The following BRSK2 variants were observed in gnomAD, a reference collection of about 807,000 sequenced individuals.
BRSK2 encodes the protein serine/threonine-protein kinase BRSK2.
Under a neutral mutation model 83.3 loss-of-function variants are expected in BRSK2, and 19 were observed. The ratio of observed to expected loss-of-function variants is 0.23; its 90% CI spans 0.16 to 0.33. The LOEUF (loss-of-function observed/expected upper bound fraction) is 0.33, where lower values mean the gene tolerates loss of function less well. BRSK2 is among the 10% of genes least tolerant of loss of function. The probability of loss-of-function intolerance (pLI) is 1.00; values close to 1 mark genes in which losing one functional copy is unlikely to be tolerated. For synonymous variants in BRSK2, 519 were observed against 435.4 expected (o/e 1.19, Z -2.39); for missense variants, 798 against 1,042.3 (o/e 0.77, Z 3.23).
chr11:1,460,382 T>G, intron 19 of BRSK2, 118 bp from the exon 20 acceptor site: 7 of 921,634 alleles, frequency 7.6e-6, no homozygotes, highest in East Asian at 3.6e-5. Flanking sequence ...TCGAGGCCTC[T>G]TCGTTCATTT....
At chr11:1,449,699 T>TG (rs1845564298) in intron 12 of BRSK2, 77 bp from the exon 13 acceptor site, 7 of 1,331,724 alleles carry the variant, frequency 5.3e-6, no homozygotes, top group Non-Finnish European at 5.3e-6. Flanking sequence ...AGGGTTTACC[T>TG]GGGGGGAGCA....
chr11:1,442,320 C>T, intron 4 of BRSK2, 170 bp from the exon 5 acceptor site: 2 of 567,342 alleles, frequency 3.5e-6, no homozygotes, highest in Non-Finnish European at 3.3e-6. Context: ...ACGGACCAGG[C>T]AGGCGACTTC....
chr11:1,457,255 G>A (rs538049147), intron 18 of BRSK2, among the ~76,000 whole-genome samples: 2 of 152,270 alleles, frequency 1.3e-5, no homozygotes, highest in African/African-American at 4.8e-5. Context: ...GGGACTCCCC[G>A]CCATGGCACC....
At chr11:1,452,340 G>T (rs897865642) in intron 15 of BRSK2, among the ~76,000 whole-genome samples, 3 of 152,238 alleles carry the variant, frequency 2.0e-5, no homozygotes, top group Non-Finnish European at 4.4e-5. Context: ...GGTCGGAGGT[G>T]TGTAGGTATT....
At chr11:1,458,976 G>A (rs1464393061) in intron 18 of BRSK2, among the ~76,000 whole-genome samples, 5 of 152,080 alleles carry the variant, frequency 3.3e-5, no homozygotes, top group Non-Finnish European at 7.4e-5. Flanking sequence ...CCCTGCCTCC[G>A]CAGCCCCGCC....
intron 2 of BRSK2, 116 bp downstream of exon 2, chr11:1,436,250 G>GGGGGGGGGGGGGGGGGGGGC: frequency 4.7e-5 from 8 of 168,874 alleles, no homozygotes; most frequent in South Asian, 1.3e-4. Flanking sequence ...GGGGGGGCGG[G>GGGGGGGGGGGGGGGGGGGGC]CCCTGCAGGC....
At chr11:1,395,827 C>T (rs1023444531) in intron 1 of BRSK2, among the ~76,000 whole-genome samples, 1 of 152,194 alleles carries the variant, frequency 6.6e-6, no homozygotes, top group African/African-American at 2.4e-5. Flanking sequence ...CCAGCTGTGC[C>T]AGGGAGGGCT....
chr11:1,460,142 G>A (rs1847236459), intron 19 of BRSK2, among the ~76,000 whole-genome samples: 2 of 152,102 alleles, frequency 1.3e-5, no homozygotes, highest in Non-Finnish European at 2.9e-5. Flanking sequence ...TGGGGAGGGA[G>A]GGGTCTCACC....
Position 1,451,387 on chromosome 11 carries a change from G to C in BRSK2, c.1512G>C (p.Glu504Asp). Residue 504 changes from glutamate (E) to aspartate (D), a missense_variant, in exon 15 of 20, where the codon GAG becomes GAC. By Grantham distance (45) the Glu-to-Asp change is conservative. This residue lies in a region of BRSK2 where 455 missense variants were observed against 455.2 expected (regional missense o/e 1.00). Transcript: ENST00000528841. The stretch of plus-strand genomic sequence containing the variant: ...TGTGCACAGTTCCGACGCCGGAGGA[G>C]ATGTCCAACCTGACACCAGAGTCGT... ...RRKLQVPTPEEMSNLTPESSP... is the reference protein window; with the variant it reads ...RRKLQVPTPEDMSNLTPESSP... The C allele has an allele frequency of 6.2e-7, 1 of 1,612,990 alleles. No individual in the cohort carries two copies. The highest frequency in any genetic ancestry group is 1.7e-4 in the Middle Eastern group (1 of 6,058).
intron 1 of BRSK2, among the ~76,000 whole-genome samples, chr11:1,398,282 G>C (rs998823331): frequency 2.0e-5 from 3 of 152,330 alleles, no homozygotes; most frequent in East Asian, 3.9e-4. Flanking sequence ...CCCTGAATCA[G>C]CTGCAGGGCT....
rs773491329 is a variant in BRSK2 at position 1,450,833 on chromosome 11, G to A, written c.1495+39G>A. 4.5e-6 allele frequency: 7 copies of A among 1,539,262 alleles called. No individual in the cohort carries two copies. In the South Asian group the frequency reaches 6.1e-5, roughly 13 times the overall value. On this transcript the variant is annotated intron_variant, in intron 14 of 19. Coordinates refer to ENST00000528841, the MANE Select transcript of BRSK2 (RefSeq NM_001256627.2). ...CGGAGGCGCCAGAGTGGGGCTGGGA[G>A]AGAGCAGAGGCTGCCTTGGGGAGGG...
chr11:1,401,631 G>T (rs1846483849), intron 1 of BRSK2, among the ~76,000 whole-genome samples: 1 of 152,274 alleles, frequency 6.6e-6, no homozygotes, highest in African/African-American at 2.4e-5. Context: ...CTCCAGGGAA[G>T]GCGGCAGCAG....
intron 3 of BRSK2, among the ~76,000 whole-genome samples, chr11:1,439,846 T>A (rs1850932473): frequency 6.7e-6 from 1 of 149,012 alleles, no homozygotes; most frequent in East Asian, 2.0e-4. Context: ...CTTCACACCT[T>A]CCCCTGCCCT....
chr11:1,452,627 C>G (rs1356336894), intron 15 of BRSK2, among the ~76,000 whole-genome samples: 1 of 150,858 alleles, frequency 6.6e-6, no homozygotes, highest in Admixed American at 6.6e-5. Context: ...GGGCCCGGCA[C>G]AGACACCCCT....
At chr11:1,443,752 C>A in intron 8 of BRSK2, 117 bp downstream of exon 8, 1 of 1,305,062 alleles carries the variant, frequency 7.7e-7, no homozygotes, top group South Asian at 1.6e-5. Context: ...GTGTGTGGGT[C>A]GGTGCCCAGG....
At chr11:1,450,085 A>G (rs1287019747) in intron 13 of BRSK2, among the ~76,000 whole-genome samples, 1 of 151,758 alleles carries the variant, frequency 6.6e-6, no homozygotes, top group African/African-American at 2.4e-5. Flanking sequence ...CCTCCTGCCC[A>G]TGCCTGCCTG....
Position 1,461,973 on chromosome 11 carries a change from CTCTG to C in BRSK2, c.*1253_*1256del, listed in dbSNP as rs1392016433. ...GTAGCGGGCGGCAGCGCCAGCGCCC[CTCTG>C]TCAGGCTGGGGCAATCTTGGTTTTG... On this transcript the variant is annotated 3_prime_UTR_variant, in exon 20 of 20. Coordinates refer to ENST00000528841, the MANE Select transcript of BRSK2 (RefSeq NM_001256627.2). 2 of 152,138 alleles carry C rather than the reference CTCTG, an allele frequency of 1.3e-5. No homozygotes were observed. Among genetic ancestry groups the C allele is most frequent in the Admixed American group, 6.5e-5 (1 of 15,286 alleles). The allele number at this position is 152,138 out of a possible 1,614,324, so 9.4% of individuals were successfully genotyped here.
intron 1 of BRSK2, among the ~76,000 whole-genome samples, chr11:1,406,012 C>T (rs1041563883): frequency 3.3e-5 from 5 of 152,132 alleles, no homozygotes; most frequent in African/African-American, 7.2e-5. Flanking sequence ...ACCCAAGATA[C>T]GGAGACAGGA....
In BRSK2 at chr11:1,413,415, G is replaced by A. The variant is rs191992109; in HGVS notation, c.92-22625G>A. Among the ~76,000 whole-genome samples, 322 of 152,274 alleles carry A rather than the reference G, an allele frequency of 2.1e-3. 2 individuals are homozygous for A. Among genetic ancestry groups the A allele is most frequent in the African/African-American group, 7.6e-3 (314 of 41,582 alleles). ...GACTCATCCTTCTTGGAGGCCAGAG[G>A]CTTCTGCAGGGCCTGAGCTGTCTCT... On this transcript the variant is annotated intron_variant, in intron 1 of 19. Transcript: ENST00000528841.
Sources: gnomAD v4.1 joint callset for allele counts (sites outside exome capture counted in the v4.1 genomes callset) on GRCh38, gnomAD v4.1.1 for gene constraint, gnomAD v4.1.1 regional missense constraint, MANE v1.5 for transcripts, NCBI Gene and HGNC (gene_info 2026-07-23, HGNC 2026-07-21) for gene names.